MYCBP2: variants seen among roughly 807,000 people sequenced by gnomAD.
The protein encoded by MYCBP2 is E3 ubiquitin-protein ligase MYCBP2.
MYCBP2 carries 120 observed loss-of-function variants against 525.3 expected under a neutral mutation model. The observed-to-expected ratio is 0.23, with a 90% CI of 0.20 to 0.27. MYCBP2 has a LOEUF of 0.27. Ranked by LOEUF, MYCBP2 falls within the 10% of genes least tolerant of loss-of-function variation. The probability of loss-of-function intolerance (pLI) is 1.00; values close to 1 mark genes in which losing one functional copy is unlikely to be tolerated. For synonymous variants in MYCBP2, 1,894 were observed against 1,955.8 expected, an observed-to-expected ratio of 0.97 and a Z score of 0.83; for missense variants, 4,149 against 5,657.1, an observed-to-expected ratio of 0.73 and a Z score of 8.55.
At chr13:77,228,581 G>C (rs188040302) in intron 18 of MYCBP2, among the ~76,000 whole-genome samples, 1 of 151,216 alleles carries the variant, frequency 6.6e-6, no homozygotes, top group African/African-American at 2.4e-5. Context: ...CCAAAGCTTA[G>C]ATCTATATAA....
intron 59 of MYCBP2, chr13:77,090,538 T>C (rs1429843045): frequency 3.0e-5 from 7 of 229,830 alleles, no homozygotes; most frequent in Non-Finnish European, 5.8e-5. Context: ...CCTTTTAGAA[T>C]CAAAAGCACT....
intron 26 of MYCBP2, among the ~76,000 whole-genome samples, chr13:77,200,390 T>A (rs1255886739): frequency 6.6e-6 from 1 of 151,994 alleles, no homozygotes; most frequent in African/African-American, 2.4e-5. Context: ...TATGGGACTA[T>A]GTGAAAAGAC....
chr13:77,267,888 C>T lies in MYCBP2; in HGVS notation c.1310G>A (p.Arg437Lys), dbSNP rs1173437396. 3.7e-6 allele frequency: 6 copies of T among 1,613,766 alleles called. No individual in the cohort carries two copies. Among genetic ancestry groups the T allele is most frequent in the Admixed American group, 1.7e-5 (1 of 59,982 alleles). The change falls in exon 8 of 83, where the codon AGG (arginine) becomes AAG (lysine). Residue 437 changes from arginine (R) to lysine (K), a missense_variant. By Grantham distance (26) the Arg-to-Lys change is conservative. Transcript: ENST00000544440. ...TTGCTCCAGTGTTTCAGGGCTTATCCTTATGGCTGTCATGCTGTGGTTATT... is the reference window on the plus strand; with the variant it reads ...TTGCTCCAGTGTTTCAGGGCTTATCTTTATGGCTGTCATGCTGTGGTTATT... The part of the protein sequence containing the change: ...DVNNHSMTAI[R>K]ISPETLEQDG...
intron 26 of MYCBP2, among the ~76,000 whole-genome samples, chr13:77,200,023 C>A (rs548755601): frequency 6.6e-6 from 1 of 152,130 alleles, no homozygotes. Flanking sequence ...TCACCAGCAA[C>A]GGAACAAAGC....
At chr13:77,163,703 C>A (rs868491661) in intron 43 of MYCBP2, among the ~76,000 whole-genome samples, 1 of 152,026 alleles carries the variant, frequency 6.6e-6, no homozygotes. Flanking sequence ...TCAAATGGAC[C>A]GCCCTTCCTT....
At chr13:77,211,015 G>C (rs949712075) in intron 23 of MYCBP2, 152 bp downstream of exon 23, 2 of 490,394 alleles carry the variant, frequency 4.1e-6, no homozygotes, top group Non-Finnish European at 6.4e-6. Context: ...CAGTATAAAG[G>C]TCCCTGTGAA....
At chr13:77,052,011 G>C (rs1464473051) in intron 80 of MYCBP2, 93 bp from the exon 81 acceptor site, 1 of 957,548 alleles carries the variant, frequency 1.0e-6, no homozygotes, top group Non-Finnish European at 1.6e-6. Context: ...AGATCTAGGG[G>C]TTTTAGAAAA....
chr13:77,310,157 T>C (rs1400373464), intron 1 of MYCBP2, among the ~76,000 whole-genome samples: 2 of 152,148 alleles, frequency 1.3e-5, no homozygotes, highest in African/African-American at 4.8e-5. Context: ...TACCCTATGA[T>C]TGTTCCATAC....
At chr13:77,074,019 T>C (rs531050305) in intron 68 of MYCBP2, among the ~76,000 whole-genome samples, 2,984 of 140,728 alleles carry the variant, frequency 0.021, 43 homozygotes, top group Non-Finnish European at 0.032. Context: ...CCCCTTTTTT[T>C]TTTAAAGAAA....
rs377286511 is a variant in MYCBP2, at chr13:77,197,246, G to T, written c.3844-3002C>A. On this transcript the variant is annotated intron_variant, in intron 26 of 82. Transcript: ENST00000544440. ...AATGGTAAGAGAGAGAATGGAGACA[G>T]AAAGTATAGAAAGAATATGTACAGA... is the stretch of plus-strand genomic sequence containing the variant. 2.6e-4 allele frequency among the ~76,000 whole-genome samples: 40 copies of T among 152,290 alleles called. No individual in the cohort carries two copies. In the South Asian group the frequency reaches 8.1e-3, roughly 31 times the overall value.
At chr13:77,299,580 C>CA (rs1166600762) in intron 1 of MYCBP2, among the ~76,000 whole-genome samples, 1 of 152,140 alleles carries the variant, frequency 6.6e-6, no homozygotes, top group Admixed American at 6.5e-5. Context: ...AGTAATATAA[C>CA]ACACCATTAT....
At chr13:77,168,206 A>G (rs565101291) in intron 40 of MYCBP2, among the ~76,000 whole-genome samples, 2 of 152,334 alleles carry the variant, frequency 1.3e-5, no homozygotes, top group African/African-American at 4.8e-5. Context: ...AGATTTAAGA[A>G]CAACTCTCAT....
chr13:77,292,746 G>A (rs1482487676), intron 2 of MYCBP2, among the ~76,000 whole-genome samples: 3 of 152,008 alleles, frequency 2.0e-5, no homozygotes, highest in Non-Finnish European at 4.4e-5. Flanking sequence ...TTCACCTGAG[G>A]TCAGGAGTTT....
intron 1 of MYCBP2, among the ~76,000 whole-genome samples, chr13:77,304,573 T>G (rs917625137): frequency 2.0e-5 from 3 of 152,132 alleles, no homozygotes; most frequent in African/African-American, 7.2e-5. Context: ...CAATGTATTA[T>G]ACAACTTCAA....
chr13:77,149,582 T>C (rs1254605366), intron 47 of MYCBP2, among the ~76,000 whole-genome samples: 1 of 152,216 alleles, frequency 6.6e-6, no homozygotes, highest in Admixed American at 6.5e-5. Flanking sequence ...GAGGTCAGAC[T>C]GTGATCACTC....
At chr13:77,190,424 A>G (rs1318714470) in intron 28 of MYCBP2, 89 bp from the exon 29 acceptor site, 2 of 778,026 alleles carry the variant, frequency 2.6e-6, no homozygotes, top group African/African-American at 3.5e-5. Flanking sequence ...TCTTATGTCA[A>G]TGAAAATGAT....
chr13:77,079,412 G>C (rs2042904252), intron 65 of MYCBP2, among the ~76,000 whole-genome samples: 1 of 152,148 alleles, frequency 6.6e-6, no homozygotes, highest in East Asian at 1.9e-4. Context: ...ATGTCAAACA[G>C]TACAAGTTCA....
chr13:77,238,115 C>G (rs143508394), intron 17 of MYCBP2, among the ~76,000 whole-genome samples: 1 of 151,780 alleles, frequency 6.6e-6, no homozygotes, highest in African/African-American at 2.4e-5. Flanking sequence ...TGGTGGTGAA[C>G]GCCTGCAGTC....
chr13:77,113,076 G>A (rs191960949), intron 55 of MYCBP2, among the ~76,000 whole-genome samples: 520 of 152,228 alleles, frequency 3.4e-3, no homozygotes, highest in Non-Finnish European at 5.1e-3. Context: ...TGCCTGACAC[G>A]TAGGTGGACT....
Sources: gnomAD v4.1 joint callset for allele counts (sites outside exome capture counted in the v4.1 genomes callset) on GRCh38, gnomAD v4.1.1 for gene constraint, MANE v1.5 for transcripts, NCBI Gene and HGNC (gene_info 2026-07-23, HGNC 2026-07-21) for gene names.